The following ILDR2 variants were observed in gnomAD, a reference collection of about 807,000 sequenced individuals.
The protein encoded by ILDR2 is immunoglobulin-like domain-containing receptor 2.
A neutral mutation model predicts 66.8 loss-of-function variants in ILDR2; 25 were observed. The ratio of observed to expected loss-of-function variants is 0.37; its 90% CI spans 0.27 to 0.52. The LOEUF is 0.52. Among genes scored for constraint, ILDR2 ranks in the 20% least tolerant of loss-of-function variants. ILDR2 has a pLI of 0.88. For synonymous variants in ILDR2, 367 were observed against 357.2 expected (o/e 1.03, Z -0.31); for missense variants, 827 against 876.8 (o/e 0.94, Z 0.72).
chr1:166,927,236 G>A, intron 6 of ILDR2, 56 bp from the exon 7 acceptor site: 1 of 1,104,008 alleles, frequency 9.1e-7, no homozygotes, highest in Non-Finnish European at 1.4e-6. Context: ...AGGAGAAGGA[G>A]GCCTCCATTT....
intron 1 of ILDR2, among the ~76,000 whole-genome samples, chr1:166,972,398 C>T (rs549496680): frequency 7.0e-4 from 106 of 152,270 alleles, no homozygotes; most frequent in African/African-American, 2.5e-3. Context: ...CACCCATATT[C>T]AGGAACAAAG....
intron 2 of ILDR2, among the ~76,000 whole-genome samples, chr1:166,901,370 T>C (rs2101812667): frequency 6.6e-6 from 1 of 152,244 alleles, no homozygotes; most frequent in South Asian, 2.1e-4. Context: ...CTACAGCTCA[T>C]CTCCATGGCC....
intron 2 of ILDR2, among the ~76,000 whole-genome samples, chr1:166,901,612 A>G (rs1009619819): frequency 1.3e-5 from 2 of 152,198 alleles, no homozygotes; most frequent in Non-Finnish European, 2.9e-5. Context: ...CTCAAATGTT[A>G]TAGACGTGAC....
rs1260195813 is a variant in ILDR2, at chr1:166,908,209, T to C, written c.*11146A>G. On this transcript the variant is annotated 3_prime_UTR_variant, in exon 10 of 10. Coordinates refer to ENST00000271417, the MANE Select transcript of ILDR2 (RefSeq NM_199351.3). The stretch of plus-strand genomic sequence containing the variant: ...AGGTGGCTTAAATATCAGAAATTTA[T>C]TTCTCACAGTTCTAGAATCTGGGAA... 6.6e-6 allele frequency: 1 copy of C among 152,252 alleles called. No homozygotes were observed. The highest frequency in any genetic ancestry group is 1.5e-5 in the Non-Finnish European group (1 of 68,050). 9.4% of individuals were successfully genotyped at this position (152,252 alleles called of 1,614,324 possible).
chr1:166,929,860 T>C (rs1660531546), intron 6 of ILDR2, among the ~76,000 whole-genome samples: 1 of 152,194 alleles, frequency 6.6e-6, no homozygotes, highest in Non-Finnish European at 1.5e-5. Context: ...GCTTGGATCG[T>C]AGAAAAGTCT....
downstream of ILDR2, among the ~76,000 whole-genome samples, chr1:166,905,326 A>C (rs72705596): frequency 6.6e-6 from 1 of 152,178 alleles, no homozygotes; most frequent in Non-Finnish European, 1.5e-5. Context: ...CCATTAAATC[A>C]TTTAATACCA....
intron 3 of ILDR2, among the ~76,000 whole-genome samples, chr1:166,954,064 A>G (rs1184878484): frequency 2.0e-5 from 3 of 152,170 alleles, no homozygotes; most frequent in Non-Finnish European, 4.4e-5. Context: ...ATTTGGAGAC[A>G]CTTCTCATGC....
At chr1:166,898,989 G>T (rs1659216701) in intron 2 of ILDR2, among the ~76,000 whole-genome samples, 1 of 152,088 alleles carries the variant, frequency 6.6e-6, no homozygotes, top group Non-Finnish European at 1.5e-5. Flanking sequence ...GAGCCTGGGA[G>T]GTAAAATCTG....
At chr1:166,943,880 A>G (rs1460625123) in intron 3 of ILDR2, 8 of 979,878 alleles carry the variant, frequency 8.2e-6, no homozygotes, top group Non-Finnish European at 9.7e-6. Context: ...TGCAAATAGA[A>G]GGCCACATTT....
chr1:166,904,887 G>A (rs1441528989), downstream of ILDR2, among the ~76,000 whole-genome samples: 1 of 152,072 alleles, frequency 6.6e-6, no homozygotes, highest in South Asian at 2.1e-4. Context: ...ACACAGTAGG[G>A]CATCTTGTAT....
At chr1:166,965,989 T>C (rs989539888) in intron 1 of ILDR2, among the ~76,000 whole-genome samples, 4 of 152,160 alleles carry the variant, frequency 2.6e-5, no homozygotes, top group South Asian at 2.1e-4. Flanking sequence ...CAGCCCTTAG[T>C]AGCATTGTCG....
rs923922398 is a variant in ILDR2, at chr1:166,910,375, T to C, written c.*8980A>G. 1.6e-4 allele frequency: 24 copies of C among 152,202 alleles called. No individual in the cohort carries two copies. The highest frequency in any genetic ancestry group is 5.5e-4 in the African/African-American group (23 of 41,444). 9.4% of individuals were successfully genotyped at this position (152,202 alleles called of 1,614,324 possible). ...AAGTGTAAGAAAAACATATCACTTT[T>C]AAAGAAAAAATTCCTAATGCACTTA... On this transcript the variant is annotated 3_prime_UTR_variant, in exon 10 of 10. Transcript: ENST00000271417.
chr1:166,938,759 C>T (rs1005823276), intron 4 of ILDR2, among the ~76,000 whole-genome samples: 2 of 152,196 alleles, frequency 1.3e-5, no homozygotes, highest in Admixed American at 6.5e-5. Flanking sequence ...CAAGACAAGA[C>T]TAAATCATCC....
chr1:166,908,287 G>A lies in ILDR2; in HGVS notation c.*11068C>T, dbSNP rs1470675744. The A allele has an allele frequency of 6.6e-6, 1 of 152,226 alleles. No individual in the cohort carries two copies. The highest frequency in any genetic ancestry group is 1.5e-5 in the Non-Finnish European group (1 of 68,064). The allele number at this position is 152,226 out of a possible 1,614,324, so 9.4% of individuals were successfully genotyped here. ...AGTTCCTGGCGAAGGTCCTTTTCCT[G>A]GTTTGCAGACAGATACCTTGCTGTA... On this transcript the variant is annotated 3_prime_UTR_variant, in exon 10 of 10. Coordinates refer to ENST00000271417, the MANE Select transcript of ILDR2 (RefSeq NM_199351.3).
At chr1:166,935,254 G>A (rs1660876529) in intron 6 of ILDR2, 47 bp downstream of exon 6, 7 of 1,591,844 alleles carry the variant, frequency 4.4e-6, no homozygotes, top group Non-Finnish European at 5.2e-6. Context: ...GAACCACTGT[G>A]GGGGCCCGAG....
In ILDR2 at chr1:166,939,542, C is replaced by A. The variant is rs1381922231; in HGVS notation, c.528G>T (p.Leu176Phe). The A allele has an allele frequency of 6.2e-7, 1 of 1,613,950 alleles. No homozygotes were observed. Among genetic ancestry groups the A allele is most frequent in the Non-Finnish European group, 8.5e-7 (1 of 1,179,862 alleles). ...GCATAATCTCCACAGCAAAACTGGG[C>A]AAGAGATCAGCAAGCAGCCCTGTCC... ...LGRTGLLADLLPSFAVEIMPE... is the reference protein window; with the variant it reads ...LGRTGLLADLFPSFAVEIMPE... Residue 176 changes from leucine (L) to phenylalanine (F), a missense_variant, in exon 4 of 10, where the codon TTG (leucine) becomes TTT (phenylalanine). This residue lies in a region of ILDR2 where 437 missense variants were observed against 523.2 expected (regional missense o/e 0.84). Coordinates refer to ENST00000271417, the MANE Select transcript of ILDR2 (RefSeq NM_199351.3).
chr1:166,971,726 G>A (rs1184851224), intron 1 of ILDR2, among the ~76,000 whole-genome samples: 2 of 152,162 alleles, frequency 1.3e-5, no homozygotes, highest in Non-Finnish European at 2.9e-5. Flanking sequence ...GCTTCCCAAA[G>A]TGCTGGGATT....
At chr1:166,935,158 G>T in intron 6 of ILDR2, 143 bp downstream of exon 6, 1 of 824,558 alleles carries the variant, frequency 1.2e-6, no homozygotes, top group Non-Finnish European at 2.0e-6. Flanking sequence ...AAAGATATCT[G>T]ACATAGCTGG....
At chr1:166,969,266 CTACTCCTTA>C (rs1663140877) in intron 1 of ILDR2, among the ~76,000 whole-genome samples, 2 of 152,262 alleles carry the variant, frequency 1.3e-5, no homozygotes, top group African/African-American at 4.8e-5. Flanking sequence ...TGCAAGGGCC[CTACTCCTTA>C]TTCAGCACCA....
Sources: allele counts gnomAD v4.1 joint callset (sites outside exome capture counted in the v4.1 genomes callset), GRCh38; gene constraint gnomAD v4.1.1; regional missense constraint gnomAD v4.1.1; transcripts MANE v1.5; gene names NCBI Gene and HGNC (gene_info 2026-07-23, HGNC 2026-07-21).